Variants in FAM110B observed in about 807,000 individuals in gnomAD.
The protein encoded by FAM110B is protein FAM110B.
In FAM110B, 6 loss-of-function variants were observed where a neutral mutation model predicts 20.4. That is an observed-to-expected ratio of 0.29 (90% CI 0.16 to 0.58). The LOEUF (loss-of-function observed/expected upper bound fraction) is 0.58, where lower values mean the gene tolerates loss of function less well. FAM110B is among the 20% of genes least tolerant of loss of function. FAM110B has a pLI of 0.90. For missense variants in FAM110B, 434 were observed against 498.2 expected (o/e 0.87, Z 1.23); for synonymous variants, 226 against 214.1 (o/e 1.06, Z -0.49).
intron 1 of FAM110B, among the ~76,000 whole-genome samples, chr8:58,025,068 A>G (rs1804827595): frequency 6.6e-6 from 1 of 152,222 alleles, no homozygotes; most frequent in Non-Finnish European, 1.5e-5. Context: ...CACTCATTCA[A>G]AAATATCTAT....
intron 3 of FAM110B, among the ~76,000 whole-genome samples, chr8:58,130,663 G>A (rs970148426): frequency 6.6e-6 from 1 of 152,278 alleles, no homozygotes; most frequent in Non-Finnish European, 1.5e-5. Flanking sequence ...AGTGCCCAGC[G>A]TGAGTATAAA....
At chr8:58,086,178 CA>C (rs1806329813) in intron 3 of FAM110B, among the ~76,000 whole-genome samples, 1 of 152,138 alleles carries the variant, frequency 6.6e-6, no homozygotes, top group Non-Finnish European at 1.5e-5. Flanking sequence ...AGGGTTAAGC[CA>C]AAGTAAATTG....
At chr8:58,113,217 T>C (rs1449603967) in intron 3 of FAM110B, 1 of 153,660 alleles carries the variant, frequency 6.5e-6, no homozygotes, top group Non-Finnish European at 1.5e-5. Flanking sequence ...AATTGTTTCT[T>C]CCTTGTGTTT....
At chr8:58,017,675 A>C (rs1804667240) in intron 1 of FAM110B, among the ~76,000 whole-genome samples, 1 of 152,222 alleles carries the variant, frequency 6.6e-6, no homozygotes, top group Admixed American at 6.5e-5. Context: ...GATGTTTTCA[A>C]AGTCTCTAAA....
chr8:58,081,334 G>A (rs1391118144), intron 3 of FAM110B, among the ~76,000 whole-genome samples: 2 of 152,112 alleles, frequency 1.3e-5, no homozygotes, highest in African/African-American at 2.4e-5. Context: ...AGCCTCCCAA[G>A]TAGCTAGGAT....
intron 3 of FAM110B, among the ~76,000 whole-genome samples, chr8:58,097,232 T>C (rs1276039088): frequency 1.3e-5 from 2 of 152,192 alleles, no homozygotes; most frequent in African/African-American, 4.8e-5. Context: ...TTGGAGGCTT[T>C]GTTCGTTCCT....
At chr8:58,123,718 A>C (rs1807422563) in intron 3 of FAM110B, among the ~76,000 whole-genome samples, 2 of 152,168 alleles carry the variant, frequency 1.3e-5, no homozygotes, top group African/African-American at 4.8e-5. Context: ...AGTAATTATA[A>C]ATTATTTGAT....
intron 2 of FAM110B, among the ~76,000 whole-genome samples, chr8:58,058,506 T>G (rs1445247284): frequency 6.6e-6 from 1 of 152,160 alleles, no homozygotes; most frequent in African/African-American, 2.4e-5. Flanking sequence ...TTTAAGTCAA[T>G]GTTAACAGTG....
intron 1 of FAM110B, among the ~76,000 whole-genome samples, chr8:58,027,536 A>G (rs1320751394): frequency 1.3e-5 from 2 of 152,120 alleles, no homozygotes; most frequent in East Asian, 3.9e-4. Context: ...TGCACCCACT[A>G]CCACAATCTT....
At chr8:58,029,670 C>T (rs906131018) in intron 1 of FAM110B, among the ~76,000 whole-genome samples, 11 of 152,152 alleles carry the variant, frequency 7.2e-5, no homozygotes, top group African/African-American at 2.7e-4. Flanking sequence ...CTGGAGCTGG[C>T]TTAGCTGTGT....
chr8:58,133,360 A>G (rs1803531416), intron 3 of FAM110B, among the ~76,000 whole-genome samples: 1 of 152,122 alleles, frequency 6.6e-6, no homozygotes, highest in African/African-American at 2.4e-5. Flanking sequence ...TCACACGAGA[A>G]TCTCTACAAG....
At chr8:58,131,383 C>G (rs189075613) in intron 3 of FAM110B, among the ~76,000 whole-genome samples, 168 of 152,194 alleles carry the variant, frequency 1.1e-3, no homozygotes, top group Non-Finnish European at 1.9e-3. Context: ...CCCCGCAACC[C>G]CATTAGCTGG....
At chr8:58,045,811 G>A (rs1458498158) in intron 2 of FAM110B, among the ~76,000 whole-genome samples, 1 of 152,132 alleles carries the variant, frequency 6.6e-6, no homozygotes, top group African/African-American at 2.4e-5. Context: ...GTTTGCTCAG[G>A]TTGCTATAAC....
At chr8:58,137,591 AT>A (rs1803650197) in intron 3 of FAM110B, among the ~76,000 whole-genome samples, 1 of 152,042 alleles carries the variant, frequency 6.6e-6, no homozygotes, top group South Asian at 2.1e-4. Flanking sequence ...TTACTGAACA[AT>A]TTCTGGGCTG....
chr8:58,024,969 T>G (rs1804824732), intron 1 of FAM110B, among the ~76,000 whole-genome samples: 1 of 152,250 alleles, frequency 6.6e-6, no homozygotes, highest in African/African-American at 2.4e-5. Flanking sequence ...GGTATTTGCC[T>G]GGGCTTACAC....
At chr8:58,087,681 G>T (rs1806372141) in intron 3 of FAM110B, among the ~76,000 whole-genome samples, 1 of 152,096 alleles carries the variant, frequency 6.6e-6, no homozygotes. Context: ...GAGTATTAGT[G>T]GTTTCAAGGC....
chr8:58,063,776 T>A lies in FAM110B; in HGVS notation c.-413-11759T>A, dbSNP rs140349206. Among the ~76,000 whole-genome samples the A allele has an allele frequency of 2.6e-5, 4 of 152,318 alleles. No homozygotes were observed. The East Asian group carries it at 7.7e-4, about 29-fold the overall frequency. Reference sequence around the variant, plus strand: ...GATAACTTTACAATGTTCTATTAATTTTATTTATATGCTATCATTTATTTA... The same window carrying A: ...GATAACTTTACAATGTTCTATTAATATTATTTATATGCTATCATTTATTTA... On this transcript the variant is annotated intron_variant, in intron 2 of 3. Transcript: ENST00000519262.
At chr8:58,124,461 G>A (rs1201109326) in intron 3 of FAM110B, among the ~76,000 whole-genome samples, 2 of 152,328 alleles carry the variant, frequency 1.3e-5, no homozygotes, top group East Asian at 3.9e-4. Flanking sequence ...GGGATTTCAT[G>A]TTACGCTGCA....
chr8:58,008,738 C>T (rs1804465989), intron 1 of FAM110B, among the ~76,000 whole-genome samples: 1 of 152,194 alleles, frequency 6.6e-6, no homozygotes, highest in Non-Finnish European at 1.5e-5. Flanking sequence ...CTTCTCCGTG[C>T]ATCTGAACTA....
Sources: allele counts gnomAD v4.1 joint callset (sites outside exome capture counted in the v4.1 genomes callset), GRCh38; gene constraint gnomAD v4.1.1; transcripts MANE v1.5; gene names NCBI Gene and HGNC (gene_info 2026-07-23, HGNC 2026-07-21).